PTPRD: variants seen among roughly 807,000 people sequenced by gnomAD.
The protein encoded by PTPRD is receptor-type tyrosine-protein phosphatase delta.
A neutral mutation model predicts 214.5 loss-of-function variants in PTPRD; 34 were observed. That is an observed-to-expected ratio of 0.16 (90% CI 0.12 to 0.21). PTPRD has a LOEUF of 0.21. Ranked by LOEUF, PTPRD falls within the 10% of genes least tolerant of loss-of-function variation. The pLI is 1.00. For missense variants in PTPRD, 2,545 were observed against 2,398.7 expected, an observed-to-expected ratio of 1.06 and a Z score of -1.27; for synonymous variants, 1,128 against 845.7, an observed-to-expected ratio of 1.33 and a Z score of -5.79.
intron 17 of PTPRD, 181 bp from the exon 18 acceptor site, chr9:8,525,216 T>A (rs193278371): frequency 1.4e-6 from 1 of 722,182 alleles, no homozygotes; most frequent in Admixed American, 2.0e-5. Flanking sequence ...ATATAGAGAT[T>A]ATTTTTTTTT....
chr9:10,149,491 G>C (rs1179363079), intron 3 of PTPRD, among the ~76,000 whole-genome samples: 1 of 152,052 alleles, frequency 6.6e-6, no homozygotes, highest in Non-Finnish European at 1.5e-5. Flanking sequence ...ATAGCAGATG[G>C]TACATTTAGG....
chr9:8,693,188 A>C (rs1327428458), intron 12 of PTPRD, among the ~76,000 whole-genome samples: 2 of 152,172 alleles, frequency 1.3e-5, no homozygotes, highest in South Asian at 2.1e-4. Context: ...CTCTCAGTCC[A>C]CCACCACAAC....
intron 2 of PTPRD, among the ~76,000 whole-genome samples, chr9:10,448,268 TG>T (rs2098813173): frequency 6.6e-6 from 1 of 151,920 alleles, no homozygotes; most frequent in South Asian, 2.1e-4. Flanking sequence ...ATTAGAGAGT[TG>T]GTGATAGCCT....
At position 8,501,006 on chromosome 9, in the gene PTPRD, T is replaced by C. The variant is rs747872615; in HGVS notation, c.1876A>G (p.Ile626Val). ...GGTGGAGGTTGCCAACTTACCAAAA[T>C]ACTAGTGGAACTTGGGCTGGTGCAA... The part of the protein sequence containing the change: ...ISCTSPSSTS[I>V]LVSWQPPPVE... Residue 626 changes from isoleucine to valine, a missense_variant, in exon 24 of 46, where the codon ATT becomes GTT. Physicochemically the swap from Ile to Val is conservative, Grantham distance 29. Coordinates refer to ENST00000381196, the MANE Select transcript of PTPRD (RefSeq NM_002839.4). 1.3e-5 allele frequency: 21 copies of C among 1,613,998 alleles called. No individual in the cohort carries two copies. Among genetic ancestry groups the C allele is most frequent in the Non-Finnish European group, 1.7e-5 (20 of 1,179,980 alleles).
At chr9:8,598,673 G>A (rs959420754) in intron 14 of PTPRD, among the ~76,000 whole-genome samples, 9 of 152,104 alleles carry the variant, frequency 5.9e-5, no homozygotes, top group Admixed American at 1.3e-4. Flanking sequence ...GTACAATGCT[G>A]CTTATACTTC....
intron 10 of PTPRD, among the ~76,000 whole-genome samples, chr9:9,178,187 G>A (rs2099926083): frequency 1.3e-5 from 2 of 152,068 alleles, no homozygotes; most frequent in African/African-American, 4.8e-5. Flanking sequence ...GGCTGACTGT[G>A]TGTGTGTGTG....
At chr9:8,335,594 G>GC (rs1433433178) in intron 43 of PTPRD, among the ~76,000 whole-genome samples, 1 of 152,198 alleles carries the variant, frequency 6.6e-6, no homozygotes, top group Non-Finnish European at 1.5e-5. Context: ...AGACAGGGAT[G>GC]CCCTCTCTCA....
intron 6 of PTPRD, among the ~76,000 whole-genome samples, chr9:9,744,602 T>C (rs962362934): frequency 2.0e-5 from 3 of 152,042 alleles, no homozygotes; most frequent in African/African-American, 7.2e-5. Context: ...ACCTAAATTC[T>C]GCTTGGAAGA....
chr9:9,978,742 T>C (rs1401577796), intron 4 of PTPRD, among the ~76,000 whole-genome samples: 1 of 110,030 alleles, frequency 9.1e-6, no homozygotes, highest in East Asian at 2.0e-4. Context: ...TCCAAGAAGC[T>C]CGAAAAACCA....
intron 8 of PTPRD, among the ~76,000 whole-genome samples, chr9:9,541,281 G>C (rs982372621): frequency 5.9e-5 from 9 of 151,728 alleles, no homozygotes; most frequent in Admixed American, 5.3e-4. Flanking sequence ...CAGGACTTCA[G>C]TTGCCATGAT....
chr9:10,133,141 G>T (rs2098913089), intron 3 of PTPRD, among the ~76,000 whole-genome samples: 1 of 152,106 alleles, frequency 6.6e-6, no homozygotes, highest in African/African-American at 2.4e-5. Flanking sequence ...ACCATGGTTG[G>T]TAAAGTTGAT....
chr9:10,478,454 G>T (rs930582014), intron 2 of PTPRD, among the ~76,000 whole-genome samples: 4 of 152,168 alleles, frequency 2.6e-5, no homozygotes, highest in African/African-American at 9.6e-5. Context: ...CCCAGTGGAA[G>T]CTATTCATAT....
chr9:9,836,995 T>A (rs572693515), intron 5 of PTPRD, among the ~76,000 whole-genome samples: 3 of 152,310 alleles, frequency 2.0e-5, no homozygotes, highest in East Asian at 1.9e-4. Context: ...TAATTGAAGA[T>A]AAACATAAGT....
In PTPRD at chr9:9,247,446, C is replaced by T. The variant is rs558770932; in HGVS notation, c.-202-64083G>A. On this transcript the variant is annotated intron_variant, in intron 9 of 45. Coordinates refer to ENST00000381196, the MANE Select transcript of PTPRD (RefSeq NM_002839.4). ...CATCCCATAAAACGTTGATTATATA[C>T]ATTTGTTATGCTTTTTTCCTGTTAA... Among the ~76,000 whole-genome samples the T allele has an allele frequency of 4.6e-5, 7 of 152,190 alleles. No homozygotes were observed. In the South Asian group the frequency reaches 1.2e-3, roughly 27 times the overall value.
chr9:10,398,385 A>G (rs1360828003), intron 2 of PTPRD, among the ~76,000 whole-genome samples: 1 of 150,874 alleles, frequency 6.6e-6, no homozygotes, highest in African/African-American at 2.4e-5. Flanking sequence ...ATCTATATCT[A>G]TATCTACCTA....
intron 11 of PTPRD, among the ~76,000 whole-genome samples, chr9:8,871,803 T>C (rs1049464566): frequency 1.5e-4 from 23 of 152,266 alleles, no homozygotes; most frequent in African/African-American, 5.5e-4. Context: ...ATAGCTTAAC[T>C]TAATTCAAAA....
chr9:9,887,206 G>A (rs1468229073), intron 5 of PTPRD, among the ~76,000 whole-genome samples: 3 of 151,952 alleles, frequency 2.0e-5, no homozygotes, highest in Non-Finnish European at 1.5e-5. Flanking sequence ...CAATATCATA[G>A]CAGAATTGTT....
At chr9:10,612,090 C>G (rs1313074601) in intron 2 of PTPRD, among the ~76,000 whole-genome samples, 1 of 151,204 alleles carries the variant, frequency 6.6e-6, no homozygotes, top group Non-Finnish European at 1.5e-5. Context: ...ATCTTAGAAC[C>G]AACCAATGTT....
At chr9:9,751,972 A>C (rs2154465878) in intron 6 of PTPRD, among the ~76,000 whole-genome samples, 1 of 152,214 alleles carries the variant, frequency 6.6e-6, no homozygotes, top group African/African-American at 2.4e-5. Flanking sequence ...TTGAAACATA[A>C]CCATTTGGTA....
Sources: gnomAD v4.1 joint callset for allele counts (sites outside exome capture counted in the v4.1 genomes callset) on GRCh38, gnomAD v4.1.1 for gene constraint, MANE v1.5 for transcripts, NCBI Gene and HGNC (gene_info 2026-07-23, HGNC 2026-07-21) for gene names.